The following PDE11A variants were observed in gnomAD, a reference collection of about 807,000 sequenced individuals.
PDE11A encodes the protein dual 3',5'-cyclic-AMP and -GMP phosphodiesterase 11A.
In PDE11A, 100 loss-of-function variants were observed where a neutral mutation model predicts 100.5. The ratio of observed to expected loss-of-function variants is 1.00; its 90% CI spans 0.85 to 1.18. PDE11A has a LOEUF of 1.18. PDE11A is among the 50% of genes most tolerant of loss of function. The pLI is 0.00. For synonymous variants in PDE11A, 381 were observed against 420.8 expected (o/e 0.91, Z 1.16); for missense variants, 1,141 against 1,152.6 (o/e 0.99, Z 0.15).
intron 2 of PDE11A, among the ~76,000 whole-genome samples, chr2:178,078,575 T>G (rs954792744): frequency 6.6e-6 from 1 of 152,140 alleles, no homozygotes; most frequent in Admixed American, 6.6e-5. Context: ...AAAAATGAGC[T>G]TCAATGTCAT....
At chr2:177,748,659 G>T (rs1481001158) in intron 10 of PDE11A, among the ~76,000 whole-genome samples, 1 of 151,912 alleles carries the variant, frequency 6.6e-6, no homozygotes, top group African/African-American at 2.4e-5. Flanking sequence ...TCTTTTAAAG[G>T]TCACAAAGGA....
intron 19 of PDE11A, among the ~76,000 whole-genome samples, chr2:177,663,211 T>G (rs1340338548): frequency 1.4e-5 from 2 of 146,088 alleles, no homozygotes; most frequent in East Asian, 3.9e-4. Flanking sequence ...AGCGACACTT[T>G]TCTCCTTTCA....
At chr2:177,922,602 A>T in intron 2 of PDE11A, 1 of 771,148 alleles carries the variant, frequency 1.3e-6, no homozygotes. Context: ...CCCATACCTG[A>T]CATCACTGAG....
At chr2:177,810,670 A>AAAC (rs34041168) in intron 9 of PDE11A, among the ~76,000 whole-genome samples, 63,298 of 151,742 alleles carry the variant, frequency 0.42, 15,034 homozygotes, top group African/African-American at 0.66. Context: ...AGGGGTAGGA[A>AAAC]AGTTTGGTAT....
rs1025499581 is a variant in PDE11A at position 177,629,308 on chromosome 2, T to G, written c.*99A>C. On this transcript the variant is annotated 3_prime_UTR_variant, in exon 20 of 20. Coordinates refer to ENST00000286063, the MANE Select transcript of PDE11A (RefSeq NM_016953.4). ...GCTTCCCAGTGCATCCTTGAGATGT[T>G]AGGTCTTTCTGAGCTAAAAGAACAA... is the stretch of plus-strand genomic sequence containing the variant. 3 of 1,052,780 alleles carry G rather than the reference T, an allele frequency of 2.8e-6. No homozygotes were observed. The highest frequency in any genetic ancestry group is 4.5e-6 in the Non-Finnish European group (3 of 669,482). 65.2% of individuals were successfully genotyped at this position (1,052,780 alleles called of 1,614,324 possible).
chr2:177,836,379 G>C (rs564228158), intron 6 of PDE11A, among the ~76,000 whole-genome samples: 1 of 152,268 alleles, frequency 6.6e-6, no homozygotes, highest in South Asian at 2.1e-4. Context: ...CTAGCTCAAG[G>C]TTTGTAAATG....
At position 177,623,840 on chromosome 2, in the gene PDE11A, A is replaced by C. The variant is rs1436197698; in HGVS notation, c.*5567T>G. 2 of 152,258 alleles carry C rather than the reference A, an allele frequency of 1.3e-5. No individual in the cohort carries two copies. The highest frequency in any genetic ancestry group is 1.3e-4 in the Admixed American group (2 of 15,288). The allele number at this position is 152,258 out of a possible 1,614,324, so 9.4% of individuals were successfully genotyped here. ...CTTTAGCAGTGAGGAGAGAGGTACCAAACATGCAAGAACATTCAAAATTAA... is the reference window on the plus strand; with the variant it reads ...CTTTAGCAGTGAGGAGAGAGGTACCCAACATGCAAGAACATTCAAAATTAA... On this transcript the variant is annotated 3_prime_UTR_variant, in exon 20 of 20. Transcript: ENST00000286063.
chr2:177,955,725 G>T (rs2085553266), intron 2 of PDE11A, among the ~76,000 whole-genome samples: 1 of 152,110 alleles, frequency 6.6e-6, no homozygotes, highest in African/African-American at 2.4e-5. Context: ...TAGACCAATG[G>T]AACAGAACAG....
At chr2:177,697,505 TAA>T in intron 14 of PDE11A, 73 bp from the exon 15 acceptor site, 1 of 793,294 alleles carries the variant, frequency 1.3e-6, no homozygotes, top group Non-Finnish European at 2.2e-6. Flanking sequence ...TTCCTCTATT[TAA>T]AAAAAAGTCT....
rs182163654 is a variant in PDE11A, at chr2:178,049,427, C to T, written c.912+22099G>A. Among the ~76,000 whole-genome samples the T allele has an allele frequency of 4.6e-5, 7 of 152,274 alleles. No homozygotes were observed. In the East Asian group the frequency reaches 5.8e-4, roughly 13 times the overall value. Reference sequence around the variant, plus strand: ...AGTCTGCAGCTCCCAGCATGAGTGACGCAGAGGACAGGTGATTTCTGCATT... The same window carrying T: ...AGTCTGCAGCTCCCAGCATGAGTGATGCAGAGGACAGGTGATTTCTGCATT... On this transcript the variant is annotated intron_variant, in intron 1 of 19. Transcript: ENST00000286063.
At position 177,711,880 on chromosome 2, in the gene PDE11A, TG is replaced by T; in HGVS notation, c.2044-3del. The stretch of plus-strand genomic sequence containing the variant: ...CAGAATGTCTTGAAACCCAGCAGTC[TG>T]GGAAGAAGGGGAAAATGGCAACAGT... On this transcript the variant is annotated splice_polypyrimidine_tract_variant and splice_region_variant and intron_variant, in intron 12 of 19. Coordinates refer to ENST00000286063, the MANE Select transcript of PDE11A (RefSeq NM_016953.4). 1 of 1,566,308 alleles carries T rather than the reference TG, an allele frequency of 6.4e-7. No individual in the cohort carries two copies. Among genetic ancestry groups the T allele is most frequent in the Non-Finnish European group, 8.8e-7 (1 of 1,136,684 alleles).
intron 2 of PDE11A, among the ~76,000 whole-genome samples, chr2:177,951,122 A>C (rs2085500399): frequency 6.6e-6 from 1 of 152,354 alleles, no homozygotes; most frequent in East Asian, 1.9e-4. Context: ...CTCTGAGCTA[A>C]GTGTAAACAA....
intron 1 of PDE11A, among the ~76,000 whole-genome samples, chr2:178,068,826 T>C (rs190510856): frequency 6.2e-4 from 94 of 152,320 alleles, no homozygotes; most frequent in African/African-American, 2.2e-3. Context: ...AAGTTTATAC[T>C]GCATGTCTTA....
At chr2:177,979,095 G>GAAAGAAAAAAAAAAAA (rs2085845950) in intron 2 of PDE11A, among the ~76,000 whole-genome samples, 2 of 108,396 alleles carry the variant, frequency 1.8e-5, no homozygotes, top group African/African-American at 7.5e-5. Flanking sequence ...AAAAAAAAAA[G>GAAAGAAAAAAAAAAAA]AAAGAAAATG....
intron 1 of PDE11A, among the ~76,000 whole-genome samples, chr2:178,028,148 A>T (rs1286303038): frequency 6.6e-6 from 1 of 151,826 alleles, no homozygotes; most frequent in Non-Finnish European, 1.5e-5. Context: ...TCCCTTCCCC[A>T]CTATAAGTCC....
intron 2 of PDE11A, among the ~76,000 whole-genome samples, chr2:177,925,285 G>T (rs2085111001): frequency 6.6e-6 from 1 of 151,978 alleles, no homozygotes; most frequent in Non-Finnish European, 1.5e-5. Context: ...TCTAGTTCTA[G>T]ATCCCTGAGG....
At chr2:177,758,315 A>AG (rs1429529838) in intron 10 of PDE11A, among the ~76,000 whole-genome samples, 3 of 151,744 alleles carry the variant, frequency 2.0e-5, no homozygotes, top group Non-Finnish European at 4.4e-5. Flanking sequence ...AAAAAAAAAA[A>AG]AAAAGAATAT....
chr2:177,845,231 A>G (rs2083566200), intron 5 of PDE11A, among the ~76,000 whole-genome samples: 1 of 151,386 alleles, frequency 6.6e-6, no homozygotes, highest in African/African-American at 2.4e-5. Flanking sequence ...CTCACTTCCC[A>G]GATGGGGTGG....
chr2:177,997,101 G>C (rs1056091719), intron 2 of PDE11A, among the ~76,000 whole-genome samples: 17 of 152,178 alleles, frequency 1.1e-4, no homozygotes, highest in African/African-American at 3.6e-4. Flanking sequence ...GAAGGCAGCA[G>C]TCTGTTTAAA....
Sources: allele counts gnomAD v4.1 joint callset (sites outside exome capture counted in the v4.1 genomes callset), GRCh38; gene constraint gnomAD v4.1.1; transcripts MANE v1.5; gene names NCBI Gene and HGNC (gene_info 2026-07-23, HGNC 2026-07-21).